UGGT2: variants seen among roughly 807,000 people sequenced by gnomAD.
UGGT2 encodes UDP-glucose:glycoprotein glucosyltransferase 2.
Under a neutral mutation model 192.1 loss-of-function variants are expected in UGGT2, and 180 were observed. That is an observed-to-expected ratio of 0.94 (90% CI 0.83 to 1.06). The LOEUF (loss-of-function observed/expected upper bound fraction) is 1.06, where lower values mean the gene tolerates loss of function less well. UGGT2 is among the 50% of genes least tolerant of loss of function. UGGT2 has a pLI of 0.00. For missense variants in UGGT2, 1,849 were observed against 1,795.7 expected, an observed-to-expected ratio of 1.03 and a Z score of -0.54; for synonymous variants, 580 against 591.0, an observed-to-expected ratio of 0.98 and a Z score of 0.27.
chr13:95,885,600 G>T (rs1475780969), intron 26 of UGGT2, among the ~76,000 whole-genome samples: 1 of 152,156 alleles, frequency 6.6e-6, no homozygotes, highest in South Asian at 2.1e-4. Context: ...AAATCACTAG[G>T]TCTAGCTCTC....
At chr13:95,994,583 C>T (rs1021872169) in intron 7 of UGGT2, among the ~76,000 whole-genome samples, 27 of 151,570 alleles carry the variant, frequency 1.8e-4, no homozygotes, top group Non-Finnish European at 3.8e-4. Flanking sequence ...TTATTATATT[C>T]CATGAATTGT....
At chr13:95,967,495 A>G (rs535646372) in intron 12 of UGGT2, among the ~76,000 whole-genome samples, 70 of 122,466 alleles carry the variant, frequency 5.7e-4, no homozygotes, top group African/African-American at 2.2e-3. Context: ...TTTTTTTGAG[A>G]TGGAGTCTCG....
At chr13:96,038,070 G>A (rs1457847990) in intron 1 of UGGT2, among the ~76,000 whole-genome samples, 2 of 152,138 alleles carry the variant, frequency 1.3e-5, no homozygotes, top group African/African-American at 2.4e-5. Flanking sequence ...AAACAATAAG[G>A]CACATGAGGT....
intron 20 of UGGT2, among the ~76,000 whole-genome samples, chr13:95,907,563 A>G (rs1055612178): frequency 2.0e-5 from 3 of 152,200 alleles, no homozygotes; most frequent in African/African-American, 7.2e-5. Context: ...TCAGGCAGCA[A>G]TATTTGCTGT....
intron 38 of UGGT2, among the ~76,000 whole-genome samples, chr13:95,807,716 C>CT: frequency 0.011 from 853 of 78,686 alleles, 77 homozygotes; most frequent in South Asian, 0.033. Flanking sequence ...CAGCCCTCAC[C>CT]TTTTTTTTTT....
At chr13:95,969,730 C>G (rs529707080) in intron 12 of UGGT2, among the ~76,000 whole-genome samples, 1 of 152,286 alleles carries the variant, frequency 6.6e-6, no homozygotes, top group East Asian at 1.9e-4. Context: ...ATACACACAC[C>G]AGAACCTTTG....
At chr13:95,957,795 C>G (rs1044473249) in intron 12 of UGGT2, among the ~76,000 whole-genome samples, 2 of 152,118 alleles carry the variant, frequency 1.3e-5, no homozygotes, top group Non-Finnish European at 2.9e-5. Context: ...TTCTGTGTGA[C>G]TCTCTCTCAG....
chr13:96,053,303 C>T lies in UGGT2; in HGVS notation c.10G>A (p.Ala4Thr), dbSNP rs777774433. 4 of 1,579,386 alleles carry T rather than the reference C, an allele frequency of 2.5e-6. No individual in the cohort carries two copies. In the South Asian group the frequency reaches 4.6e-5, roughly 18 times the overall value. ...AGCCGCACCACGTTCGTGGCTTTCG[C>T]TGGCGCCATGGCACGGAGAGAAAAG... MAPAKATNVVRLLL... is the reference protein window; with the variant it reads MAPTKATNVVRLLL... Residue 4 changes from alanine (A) to threonine (T), a missense_variant, in exon 1 of 39, where the codon GCG becomes ACG. Transcript: ENST00000376747.
At chr13:96,030,056 A>G (rs963904016) in intron 2 of UGGT2, among the ~76,000 whole-genome samples, 1 of 152,232 alleles carries the variant, frequency 6.6e-6, no homozygotes, top group African/African-American at 2.4e-5. Flanking sequence ...GACAACAGAC[A>G]GTAATTTCCT....
intron 24 of UGGT2, among the ~76,000 whole-genome samples, chr13:95,893,835 T>TA (rs2047872800): frequency 1.3e-5 from 2 of 152,322 alleles, no homozygotes; most frequent in Admixed American, 1.3e-4. Flanking sequence ...TCACATATGA[T>TA]AGTGATTAAA....
At chr13:95,879,899 T>A (rs1324726591) in intron 27 of UGGT2, among the ~76,000 whole-genome samples, 6 of 150,638 alleles carry the variant, frequency 4.0e-5, no homozygotes, top group Admixed American at 4.0e-4. Context: ...GTATTAATTT[T>A]TTTTTATTAT....
chr13:95,985,689 C>T (rs1740655600), intron 9 of UGGT2, among the ~76,000 whole-genome samples: 2 of 152,138 alleles, frequency 1.3e-5, no homozygotes, highest in South Asian at 2.1e-4. Flanking sequence ...CATCCCTAAC[C>T]AGAATACAAT....
At chr13:95,815,313 T>A (rs1884775618) in intron 38 of UGGT2, among the ~76,000 whole-genome samples, 1 of 152,168 alleles carries the variant, frequency 6.6e-6, no homozygotes, top group Admixed American at 6.5e-5. Context: ...GTGAAGACAA[T>A]CCTGTGAACT....
At chr13:96,015,435 G>C (rs553399872) in intron 4 of UGGT2, among the ~76,000 whole-genome samples, 2 of 152,014 alleles carry the variant, frequency 1.3e-5, no homozygotes, top group African/African-American at 4.8e-5. Flanking sequence ...GTCTGTAATC[G>C]ACAGTACCTT....
At chr13:95,898,045 C>A (rs2047996831) in intron 22 of UGGT2, among the ~76,000 whole-genome samples, 1 of 152,242 alleles carries the variant, frequency 6.6e-6, no homozygotes, top group South Asian at 2.1e-4. Context: ...ACACCAAAGT[C>A]CCTGGACAAT....
At chr13:95,856,456 C>T in intron 33 of UGGT2, 116 bp from the exon 34 acceptor site, 1 of 991,078 alleles carries the variant, frequency 1.0e-6, no homozygotes, top group African/African-American at 1.7e-5. Flanking sequence ...AACTAATAGG[C>T]AAGATGTCTA....
intron 24 of UGGT2, among the ~76,000 whole-genome samples, chr13:95,892,709 T>C (rs1214525924): frequency 1.3e-5 from 2 of 152,152 alleles, no homozygotes; most frequent in East Asian, 3.9e-4. Flanking sequence ...ATCCTCTTTA[T>C]AAAGGCTCCC....
At position 95,884,571 on chromosome 13, in the gene UGGT2, G is replaced by A. The variant is rs879096364; in HGVS notation, c.3148C>T (p.Leu1050Phe). The change falls in exon 27 of 39, where the codon CTC becomes TTC. Residue 1050 changes from leucine (L) to phenylalanine (F), a missense_variant. By Grantham distance (22) the Leu-to-Phe change is conservative. Transcript: ENST00000376747. ...LDIPESPLLI[L>F]NMITPEGWLV... is the part of the protein sequence containing the mutation. ...CAGCCTTCTGGAGTAATCATGTTGA[G>A]GATTAGGAGGGGTGATTCAGGAATA... 6.2e-7 allele frequency: 1 copy of A among 1,613,978 alleles called. No individual in the cohort carries two copies.
intron 2 of UGGT2, among the ~76,000 whole-genome samples, chr13:96,026,147 T>C (rs1019346260): frequency 1.3e-5 from 2 of 152,122 alleles, no homozygotes; most frequent in African/African-American, 4.8e-5. Context: ...ATGATCAGCA[T>C]TGCAACATTC....
Sources: gnomAD v4.1 joint callset for allele counts (sites outside exome capture counted in the v4.1 genomes callset) on GRCh38, gnomAD v4.1.1 for gene constraint, MANE v1.5 for transcripts, NCBI Gene and HGNC (gene_info 2026-07-23, HGNC 2026-07-21) for gene names.